YLPM1: variants seen among roughly 807,000 people sequenced by gnomAD.
YLPM1 encodes the protein YLP motif containing 1.
In YLPM1, 99 loss-of-function variants were observed where a neutral mutation model predicts 230.0. The ratio of observed to expected loss-of-function variants is 0.43; its 90% CI spans 0.37 to 0.51. The LOEUF (loss-of-function observed/expected upper bound fraction) is 0.51, where lower values mean the gene tolerates loss of function less well. Ranked by LOEUF, YLPM1 falls within the 20% of genes least tolerant of loss-of-function variation. The probability of loss-of-function intolerance (pLI) is 0.00; values close to 1 mark genes in which losing one functional copy is unlikely to be tolerated. For missense variants in YLPM1, 2,592 were observed against 2,707.7 expected, an observed-to-expected ratio of 0.96 and a Z score of 0.95; for synonymous variants, 984 against 942.5, an observed-to-expected ratio of 1.04 and a Z score of -0.81.
At chr14:74,780,287 T>A (rs1293866740) in intron 2 of YLPM1, 118 bp from the exon 3 acceptor site, 9 of 1,263,030 alleles carry the variant, frequency 7.1e-6, no homozygotes, top group Non-Finnish European at 9.6e-6. Context: ...GAAGATACTG[T>A]GTTTGACAGT....
intron 17 of YLPM1, chr14:74,823,949 C>A (rs901441676): frequency 1.2e-5 from 3 of 244,068 alleles, no homozygotes; most frequent in Non-Finnish European, 2.4e-5. Flanking sequence ...CCTGTACATT[C>A]TTATCATATT....
intron 6 of YLPM1, among the ~76,000 whole-genome samples, chr14:74,805,380 G>A (rs923154067): frequency 1.3e-4 from 20 of 150,912 alleles, no homozygotes; most frequent in Non-Finnish European, 5.9e-5. Context: ...TTGCTCTGTT[G>A]CCTGGGAGGC....
chr14:74,781,464 A>G lies in YLPM1; in HGVS notation c.1421A>G (p.Gln474Arg). The change falls in exon 4 of 21, where the codon CAG becomes CGG. Residue 474 changes from glutamine to arginine, a missense_variant. Coordinates refer to ENST00000325680, the MANE Select transcript of YLPM1 (RefSeq NM_019589.3). ...CTCCATTCCTATCCTCATAAAGATC[A>G]GCTTCAGGAGTATGAGAAGCAGTGG... ...EQLHSYPHKDQLQEYEKQWKT... is the reference protein window; with the variant it reads ...EQLHSYPHKDRLQEYEKQWKT... 6.2e-7 allele frequency: 1 copy of G among 1,613,352 alleles called. No homozygotes were observed. The highest frequency in any genetic ancestry group is 8.5e-7 in the Non-Finnish European group (1 of 1,179,560).
chr14:74,827,487 A>G (rs2091573975), intron 18 of YLPM1: 1 of 985,336 alleles, frequency 1.0e-6, no homozygotes, highest in African/African-American at 1.7e-5. Context: ...GACTAGAAAT[A>G]CATGCTCTTC....
intron 6 of YLPM1, among the ~76,000 whole-genome samples, chr14:74,803,096 C>T (rs2091343713): frequency 6.7e-6 from 1 of 149,284 alleles, no homozygotes; most frequent in Admixed American, 6.6e-5. Context: ...CCTATCTCTA[C>T]CAAAAAAAAA....
intron 1 of YLPM1, among the ~76,000 whole-genome samples, chr14:74,776,843 G>A (rs1432304813): frequency 6.6e-6 from 1 of 152,006 alleles, no homozygotes; most frequent in African/African-American, 2.4e-5. Context: ...TGGATCACTT[G>A]AGTCCAGGAG....
chr14:74,797,242 C>T (rs1360021361), intron 4 of YLPM1, among the ~76,000 whole-genome samples: 2 of 148,768 alleles, frequency 1.3e-5, no homozygotes, highest in Non-Finnish European at 3.0e-5. Flanking sequence ...CTGCCCATCT[C>T]TGCCTCCCAA....
At chr14:74,784,135 A>G (rs2091123255) in intron 4 of YLPM1, among the ~76,000 whole-genome samples, 1 of 152,208 alleles carries the variant, frequency 6.6e-6, no homozygotes, top group South Asian at 2.1e-4. Context: ...CTAATTTGCT[A>G]TCAGAGAAGT....
At chr14:74,787,661 GT>G (rs1350279264) in intron 4 of YLPM1, among the ~76,000 whole-genome samples, 4 of 151,916 alleles carry the variant, frequency 2.6e-5, no homozygotes, top group African/African-American at 9.7e-5. Context: ...TACCTTTTAG[GT>G]CCAATGGACC....
chr14:74,795,722 C>T (rs1403408805), intron 4 of YLPM1, among the ~76,000 whole-genome samples: 2 of 152,198 alleles, frequency 1.3e-5, no homozygotes, highest in Non-Finnish European at 2.9e-5. Flanking sequence ...CTAAAGCAAT[C>T]TTTTAAAAAT....
In YLPM1 at chr14:74,778,647, G is replaced by A. The variant is rs750579783; in HGVS notation, c.1074G>A (p.Glu358=). The A allele has an allele frequency of 1.3e-5, 20 of 1,583,494 alleles. No individual in the cohort carries two copies. In the East Asian group the frequency reaches 4.7e-4, roughly 37 times the overall value. ...AGCCCCCATTGCCACCTCCAAATGA[G>A]GAAGTGCCACCTCCTCTCCCACCTG... ...SEEPPLPPPN[E]EVPPPLPPEE... The change falls in exon 2 of 21, where the codon GAG becomes GAA. Residue 358 remains glutamate, a synonymous_variant. Coordinates refer to ENST00000325680, the MANE Select transcript of YLPM1 (RefSeq NM_019589.3).
chr14:74,800,578 TC>T (rs1297287377), intron 5 of YLPM1, among the ~76,000 whole-genome samples: 1 of 152,218 alleles, frequency 6.6e-6, no homozygotes, highest in Non-Finnish European at 1.5e-5. Flanking sequence ...ATGTATTTCT[TC>T]CATTTTTCAA....
chr14:74,784,627 G>C (rs1441059087), intron 4 of YLPM1, among the ~76,000 whole-genome samples: 1 of 152,202 alleles, frequency 6.6e-6, no homozygotes, highest in East Asian at 1.9e-4. Flanking sequence ...TGCCATATAA[G>C]GCATTGATTC....
intron 15 of YLPM1, 149 bp downstream of exon 15, chr14:74,817,426 C>T: frequency 2.6e-6 from 2 of 776,264 alleles, no homozygotes; most frequent in East Asian, 5.6e-5. Context: ...TTTAAGTACA[C>T]AAATACTTCA....
chr14:74,812,816 A>AC lies in YLPM1; in HGVS notation c.5502+34_5502+35insC, dbSNP rs746564124. On this transcript the variant is annotated intron_variant, in intron 11 of 20. Transcript: ENST00000325680. ...TATGAAGTTGATTCGTCTTCGTGCA[A>AC]ACCAGAAGATAAGAGATCTTGTTAA... The AC allele has an allele frequency of 3.1e-6, 5 of 1,595,640 alleles. No homozygotes were observed. The African/African-American group carries it at 6.7e-5, about 21-fold the overall frequency.
At chr14:74,783,573 T>C (rs1372646720) in intron 4 of YLPM1, among the ~76,000 whole-genome samples, 1 of 152,216 alleles carries the variant, frequency 6.6e-6, no homozygotes, top group Non-Finnish European at 1.5e-5. Context: ...TAGATTATCT[T>C]ATAACTTATT....
chr14:74,834,965 G>C (rs981340662), intron 19 of YLPM1: 6 of 259,778 alleles, frequency 2.3e-5, no homozygotes, highest in Admixed American at 4.9e-5. Context: ...TTGCTTTCAG[G>C]TGAAAAAAAA....
intron 1 of YLPM1, 117 bp downstream of exon 1, chr14:74,764,479 C>A: frequency 7.7e-7 from 1 of 1,306,550 alleles, no homozygotes; most frequent in Non-Finnish European, 1.0e-6. Context: ...GCTAACACTC[C>A]AAAGGATTCC....
In YLPM1 at chr14:74,816,925, C is replaced by G. The variant is rs761102841; in HGVS notation, c.5686-6C>G. The G allele has an allele frequency of 3.2e-6, 5 of 1,556,864 alleles. No individual in the cohort carries two copies. In the South Asian group the frequency reaches 6.2e-5, roughly 19 times the overall value. On this transcript the variant is annotated splice_polypyrimidine_tract_variant and splice_region_variant and intron_variant, in intron 13 of 20. Coordinates refer to ENST00000325680, the MANE Select transcript of YLPM1 (RefSeq NM_019589.3). ...CTAATTCCATATCTCTTTTGGGGGA[C>G]CTTAGGTAATGGAATATGAATATGA...
Sources: gnomAD v4.1 joint callset for allele counts (sites outside exome capture counted in the v4.1 genomes callset) on GRCh38, gnomAD v4.1.1 for gene constraint, MANE v1.5 for transcripts, NCBI Gene and HGNC (gene_info 2026-07-23, HGNC 2026-07-21) for gene names.